RAC1: variants seen among roughly 807,000 people sequenced by gnomAD.
RAC1 encodes Rac family small GTPase 1.
Under a neutral mutation model 25.2 loss-of-function variants are expected in RAC1, and 2 were observed. That is an observed-to-expected ratio of 0.08 (90% CI 0.03 to 0.25). RAC1 has a LOEUF of 0.25. Among genes scored for constraint, RAC1 ranks in the 10% least tolerant of loss-of-function variants. The pLI is 1.00. For missense variants in RAC1, 50 were observed against 235.7 expected (o/e 0.21, Z 5.16); for synonymous variants, 88 against 94.0 (o/e 0.94, Z 0.37).
chr7:6,376,498 TTTC>T (rs1167535269), intron 1 of RAC1, among the ~76,000 whole-genome samples: 1 of 140,640 alleles, frequency 7.1e-6, no homozygotes. Flanking sequence ...TTTTTTTTTT[TTTC>T]TTTTCTTTTT....
intron 1 of RAC1, among the ~76,000 whole-genome samples, chr7:6,377,766 T>G (rs1202272438): frequency 6.6e-6 from 1 of 151,762 alleles, no homozygotes; most frequent in African/African-American, 2.4e-5. Flanking sequence ...AATAGAAAAA[T>G]TAGCTGGGCA....
At chr7:6,385,223 T>G (rs1012887490) in intron 1 of RAC1, among the ~76,000 whole-genome samples, 2 of 152,236 alleles carry the variant, frequency 1.3e-5, no homozygotes, top group African/African-American at 2.4e-5. Context: ...ATTCTTAATT[T>G]TTAAATTTAA....
chr7:6,380,858 T>G (rs982577178), intron 1 of RAC1, among the ~76,000 whole-genome samples: 2 of 152,142 alleles, frequency 1.3e-5, no homozygotes, highest in African/African-American at 2.4e-5. Flanking sequence ...TTGATTTTGT[T>G]TTTTGTTTTG....
intron 1 of RAC1, among the ~76,000 whole-genome samples, chr7:6,382,635 G>C (rs35235058): frequency 6.6e-6 from 1 of 152,142 alleles, no homozygotes; most frequent in South Asian, 2.1e-4. Context: ...AGGCCGATGG[G>C]GTGGATCTCC....
chr7:6,382,166 T>C (rs892357379), intron 1 of RAC1, among the ~76,000 whole-genome samples: 1 of 152,140 alleles, frequency 6.6e-6, no homozygotes, highest in African/African-American at 2.4e-5. Flanking sequence ...GCTAATTTTT[T>C]GTATTTTTAA....
At chr7:6,398,636 C>G in intron 3 of RAC1, 2 of 1,609,758 alleles carry the variant, frequency 1.2e-6, no homozygotes, top group South Asian at 1.1e-5. Flanking sequence ...GTACTAAACT[C>G]AAACCAAGTT....
At chr7:6,398,733 C>G in intron 3 of RAC1, 2 of 1,610,052 alleles carry the variant, frequency 1.2e-6, no homozygotes, top group Non-Finnish European at 1.7e-6. Context: ...GTAAAACTTT[C>G]AGTCCACTTC....
intron 3 of RAC1, among the ~76,000 whole-genome samples, chr7:6,397,271 A>C (rs1466812516): frequency 6.7e-6 from 1 of 150,240 alleles, no homozygotes; most frequent in South Asian, 2.1e-4. Context: ...AGAAAAAAAG[A>C]AAAGCTTGAG....
At chr7:6,399,082 T>C (rs1783328328) in intron 3 of RAC1, among the ~76,000 whole-genome samples, 1 of 151,722 alleles carries the variant, frequency 6.6e-6, no homozygotes, top group South Asian at 2.1e-4. Context: ...CTTTCTCCGC[T>C]TGGGTGTCCC....
intron 1 of RAC1, among the ~76,000 whole-genome samples, chr7:6,384,546 C>T (rs1329756461): frequency 1.3e-5 from 2 of 152,142 alleles, no homozygotes; most frequent in African/African-American, 4.8e-5. Flanking sequence ...GGTGTGATCA[C>T]AGCTCACTGC....
At chr7:6,386,331 T>C (rs955836683) in intron 1 of RAC1, among the ~76,000 whole-genome samples, 15 of 152,138 alleles carry the variant, frequency 9.9e-5, no homozygotes, top group African/African-American at 3.6e-4. Flanking sequence ...TTACGTGTGG[T>C]AGTTTATTGA....
chr7:6,396,833 A>G (rs1298245190), intron 3 of RAC1, among the ~76,000 whole-genome samples: 1 of 152,170 alleles, frequency 6.6e-6, no homozygotes, highest in Non-Finnish European at 1.5e-5. Flanking sequence ...GATCGAGACC[A>G]TCCTGGCTAA....
At chr7:6,376,618 T>C (rs982310652) in intron 1 of RAC1, among the ~76,000 whole-genome samples, 7 of 149,618 alleles carry the variant, frequency 4.7e-5, no homozygotes, top group Non-Finnish European at 1.0e-4. Context: ...TCTCGTGCCT[T>C]AGTCTCCCAA....
chr7:6,401,688 ACCTGAGATGTT>A, intron 4 of RAC1, 169 bp from the exon 5 acceptor site: 1 of 542,078 alleles, frequency 1.8e-6, no homozygotes, highest in Non-Finnish European at 3.2e-6. Flanking sequence ...CTAATGGAAC[ACCTGAGATGTT>A]CCTTATGGCT....
At chr7:6,374,802 C>G in intron 1 of RAC1, 32 bp downstream of exon 1, 4 of 1,107,406 alleles carry the variant, frequency 3.6e-6, no homozygotes, top group Non-Finnish European at 3.3e-6. Context: ...GGCTGGAGGC[C>G]GCGGGATCGG....
At position 6,376,176 on chromosome 7, in the gene RAC1, CTT is replaced by C. The variant is rs747387468; in HGVS notation, c.35+1429_35+1430del. On this transcript the variant is annotated intron_variant, in intron 1 of 5. Transcript: ENST00000348035. The stretch of plus-strand genomic sequence containing the variant: ...TATTAGAGTATGTAGGCTATTCAGG[CTT>C]TTTTTTTTTTTTTTTTTTTTTTGAG... Among the ~76,000 whole-genome samples, 292 of 65,428 alleles carry C rather than the reference CTT, an allele frequency of 4.5e-3. 1 individual carries two copies. Among genetic ancestry groups the C allele is most frequent in the Non-Finnish European group, 6.2e-3 (236 of 38,146 alleles). The allele number at this position is 65,428 out of a possible 152,430, so 42.9% of individuals were successfully genotyped here.
In RAC1 at chr7:6,391,903, C is replaced by T. The variant is rs1020636889; in HGVS notation, c.108-21C>T. The T allele has an allele frequency of 5.0e-6, 8 of 1,613,834 alleles. No homozygotes were observed. The African/African-American group carries it at 8.0e-5, about 16-fold the overall frequency. ...CTTAGCTTCTACACCTGTGACTAAC[C>T]ATTTTCATTCCATTCTACAGCTTTG... On this transcript the variant is annotated intron_variant, in intron 2 of 5. Coordinates refer to ENST00000348035, the MANE Select transcript of RAC1 (RefSeq NM_006908.5).
intron 1 of RAC1, among the ~76,000 whole-genome samples, chr7:6,377,300 G>A (rs753055319): frequency 7.2e-5 from 11 of 151,924 alleles, no homozygotes; most frequent in Non-Finnish European, 1.3e-4. Flanking sequence ...GATATTAGAA[G>A]TGAAATGTAC....
At chr7:6,388,435 TC>T (rs1205820352) in intron 2 of RAC1, among the ~76,000 whole-genome samples, 3 of 147,574 alleles carry the variant, frequency 2.0e-5, no homozygotes, top group Non-Finnish European at 4.5e-5. Flanking sequence ...AGCGTCTGCC[TC>T]CTGGGTTCAA....
Sources: allele counts gnomAD v4.1 joint callset (sites outside exome capture counted in the v4.1 genomes callset), GRCh38; gene constraint gnomAD v4.1.1; transcripts MANE v1.5; gene names NCBI Gene and HGNC (gene_info 2026-07-23, HGNC 2026-07-21).